Variants in TMEM177 observed in about 807,000 individuals in gnomAD.
The protein encoded by TMEM177 is transmembrane protein 177.
A neutral mutation model predicts 14.2 loss-of-function variants in TMEM177; 4 were observed. That is an observed-to-expected ratio of 0.28 (90% CI 0.14 to 0.64). The LOEUF (loss-of-function observed/expected upper bound fraction) is 0.64, where lower values mean the gene tolerates loss of function less well. Among genes scored for constraint, TMEM177 ranks in the 30% least tolerant of loss-of-function variants. The pLI is 0.82. For missense variants in TMEM177, 344 were observed against 405.2 expected, an observed-to-expected ratio of 0.85 and a Z score of 1.30; for synonymous variants, 179 against 174.5, an observed-to-expected ratio of 1.03 and a Z score of -0.20.
At chr2:119,679,574 A>G (rs753053607) in intron 1 of TMEM177, 9 of 152,192 alleles carry the variant, frequency 5.9e-5, no homozygotes, top group Admixed American at 2.6e-4. Context: ...GTTTGCGGCA[A>G]CTCATTCGTT....
chr2:119,695,254 C>G, the TMEM177 span, among the ~76,000 whole-genome samples: 845 of 152,330 alleles, frequency 5.5e-3, 8 homozygotes, highest in African/African-American at 0.019. Flanking sequence ...TTCTCTATCC[C>G]TCCCCCACCT....
At chr2:119,718,453 G>C in the TMEM177 span, among the ~76,000 whole-genome samples, 3 of 152,262 alleles carry the variant, frequency 2.0e-5, no homozygotes, top group Non-Finnish European at 4.4e-5. Flanking sequence ...CAATGGAGCA[G>C]GTGAAGGGAG....
At chr2:119,699,700 C>T in the TMEM177 span, 1 of 167,852 alleles carries the variant, frequency 6.0e-6, no homozygotes, top group African/African-American at 2.4e-5. Context: ...GAGGTCACTC[C>T]CCCAACACAT....
chr2:119,688,518 T>C (rs1242878183), downstream of TMEM177, among the ~76,000 whole-genome samples: 2 of 152,206 alleles, frequency 1.3e-5, no homozygotes, highest in African/African-American at 4.8e-5. Context: ...TAAAGCACGT[T>C]GTTGTGCTGA....
At chr2:119,706,399 C>T in the TMEM177 span, among the ~76,000 whole-genome samples, 16 of 152,146 alleles carry the variant, frequency 1.1e-4, no homozygotes, top group East Asian at 3.1e-3. Context: ...GGAGTCTTCA[C>T]GCTTTCCAGA....
chr2:119,715,694 AGCGGAACTTCG>A, the TMEM177 span, among the ~76,000 whole-genome samples: 1 of 152,240 alleles, frequency 6.6e-6, no homozygotes, highest in Non-Finnish European at 1.5e-5. Flanking sequence ...GAGAAGGACC[AGCGGAACTTCG>A]GCTTCCCTTG....
Position 119,682,114 on chromosome 2 carries a change from T to G in TMEM177, c.*325T>G. On this transcript the variant is annotated 3_prime_UTR_variant, in exon 2 of 2. Coordinates refer to ENST00000272521, the MANE Select transcript of TMEM177 (RefSeq NM_030577.3). Reference sequence around the variant, plus strand: ...TGCACTGTAAATAAACAGACATCCCTCCTTCTTGGTCGTTTTTTTTTTTTT... The same window carrying G: ...TGCACTGTAAATAAACAGACATCCCGCCTTCTTGGTCGTTTTTTTTTTTTT... The G allele has an allele frequency of 4.5e-6, 1 of 222,844 alleles. No homozygotes were observed. The highest frequency in any genetic ancestry group is 9.2e-6 in the Non-Finnish European group (1 of 108,906). 13.8% of individuals were successfully genotyped at this position (222,844 alleles called of 1,614,324 possible).
the TMEM177 span, among the ~76,000 whole-genome samples, chr2:119,723,061 A>G: frequency 1.3e-5 from 2 of 152,108 alleles, no homozygotes; most frequent in African/African-American, 4.8e-5. Flanking sequence ...CTAATTCTCT[A>G]CTTCTTTGTT....
At chr2:119,694,297 C>T in the TMEM177 span, among the ~76,000 whole-genome samples, 1 of 151,088 alleles carries the variant, frequency 6.6e-6, no homozygotes, top group Non-Finnish European at 1.5e-5. Flanking sequence ...CACACACACA[C>T]ACACACTATA....
chr2:119,690,538 C>T (rs920696962), downstream of TMEM177, among the ~76,000 whole-genome samples: 2 of 152,160 alleles, frequency 1.3e-5, no homozygotes, highest in African/African-American at 4.8e-5. Flanking sequence ...ACCCTGAAAG[C>T]ATTACAAAGG....
chr2:119,681,795 TCATCACAAGG>T lies in TMEM177; in HGVS notation c.*7_*16del. 1.9e-6 allele frequency: 3 copies of T among 1,608,092 alleles called. No individual in the cohort carries two copies. The highest frequency in any genetic ancestry group is 3.3e-5 in the Admixed American group (2 of 59,822). ...TCAATCCGGGCCGCTCCTGATGGGC[TCATCACAAGG>T]ACACTTCCAGCTTGTGCAGACACCA... On this transcript the variant is annotated 3_prime_UTR_variant, in exon 2 of 2. Transcript: ENST00000272521.
chr2:119,684,118 C>T (rs546629536), downstream of TMEM177, among the ~76,000 whole-genome samples: 12 of 152,320 alleles, frequency 7.9e-5, no homozygotes, highest in African/African-American at 2.2e-4. Context: ...TGGCGAAAAC[C>T]GCATCTCCTG....
downstream of TMEM177, among the ~76,000 whole-genome samples, chr2:119,685,366 C>G (rs764332213): frequency 5.3e-5 from 8 of 152,032 alleles, no homozygotes; most frequent in African/African-American, 1.9e-4. Context: ...GCCTCAGTCC[C>G]CACCAGTGTC....
At chr2:119,720,890 T>C in the TMEM177 span, among the ~76,000 whole-genome samples, 1 of 152,176 alleles carries the variant, frequency 6.6e-6, no homozygotes, top group Non-Finnish European at 1.5e-5. Context: ...AAGTACTAGC[T>C]CATATTTCAG....
downstream of TMEM177, among the ~76,000 whole-genome samples, chr2:119,687,034 G>C (rs1209408689): frequency 6.6e-6 from 1 of 152,140 alleles, no homozygotes; most frequent in Non-Finnish European, 1.5e-5. Context: ...CACTCCCCTT[G>C]CTCCTCTTGG....
At chr2:119,721,170 G>A in the TMEM177 span, among the ~76,000 whole-genome samples, 1,041 of 152,344 alleles carry the variant, frequency 6.8e-3, 2 homozygotes, top group Non-Finnish European at 0.011. Flanking sequence ...GACCAACCAC[G>A]TAATTAGAGG....
At chr2:119,679,375 C>G (rs983550546) in intron 1 of TMEM177, 99 bp downstream of exon 1, 1 of 152,254 alleles carries the variant, frequency 6.6e-6, no homozygotes. Context: ...CCCCAGCCAC[C>G]GGCGGGCTGC....
At chr2:119,719,456 A>AG in the TMEM177 span, among the ~76,000 whole-genome samples, 3 of 152,228 alleles carry the variant, frequency 2.0e-5, no homozygotes, top group Admixed American at 1.3e-4. Flanking sequence ...CTGTAAGCCA[A>AG]GCGTGGGTGC....
chr2:119,696,277 A>C, the TMEM177 span, among the ~76,000 whole-genome samples: 75 of 152,088 alleles, frequency 4.9e-4, no homozygotes, highest in Non-Finnish European at 7.1e-4. Context: ...GCTGGGTGGC[A>C]GCTGTTGAGG....
Sources: allele counts gnomAD v4.1 joint callset (sites outside exome capture counted in the v4.1 genomes callset), GRCh38; gene constraint gnomAD v4.1.1; transcripts MANE v1.5; gene names NCBI Gene and HGNC (gene_info 2026-07-23, HGNC 2026-07-21).